SORCS3: variants seen among roughly 807,000 people sequenced by gnomAD.
SORCS3 encodes sortilin related VPS10 domain containing receptor 3.
A neutral mutation model predicts 146.3 loss-of-function variants in SORCS3; 57 were observed. The observed-to-expected ratio is 0.39, with a 90% CI of 0.31 to 0.49. The LOEUF (loss-of-function observed/expected upper bound fraction) is 0.49. SORCS3 is among the 20% of genes least tolerant of loss of function. The probability of loss-of-function intolerance (pLI) is 0.92; values close to 1 mark genes in which losing one functional copy is unlikely to be tolerated. For synonymous variants in SORCS3, 653 were observed against 618.5 expected, an observed-to-expected ratio of 1.06 and a Z score of -0.83; for missense variants, 1,341 against 1,575.5, an observed-to-expected ratio of 0.85 and a Z score of 2.52.
Position 104,915,833 on chromosome 10 carries a change from G to T in SORCS3, c.696G>T (p.Arg232Ser), listed in dbSNP as rs1165045538. ...LGSVTESSLW[R>S]STDYGTTYEK... Reference sequence around the variant, plus strand: ...TCTCTGTTTTCTCTTTTACCTGCAGGTCGACAGATTATGGCACCACCTATG... The same window carrying T: ...TCTCTGTTTTCTCTTTTACCTGCAGTTCGACAGATTATGGCACCACCTATG... Residue 232 changes from arginine to serine, a missense_variant and splice_region_variant, in exon 3 of 27, where the codon AGG becomes AGT. By Grantham distance (110) the Arg-to-Ser change is moderately radical (BLOSUM62 -1). Coordinates refer to ENST00000369701, the MANE Select transcript of SORCS3 (RefSeq NM_014978.3). 3 of 1,613,748 alleles carry T rather than the reference G, an allele frequency of 1.9e-6. No homozygotes were observed. Among genetic ancestry groups the T allele is most frequent in the South Asian group, 1.1e-5 (1 of 91,082 alleles).
intron 4 of SORCS3, among the ~76,000 whole-genome samples, chr10:105,006,719 T>G (rs911392006): frequency 5.3e-5 from 8 of 152,210 alleles, no homozygotes; most frequent in African/African-American, 1.9e-4. Flanking sequence ...TCTTGCACTG[T>G]TTGGGATATG....
intron 19 of SORCS3, among the ~76,000 whole-genome samples, chr10:105,218,317 C>T (rs1159527481): frequency 1.3e-5 from 2 of 152,216 alleles, no homozygotes; most frequent in Admixed American, 6.5e-5. Flanking sequence ...TACCTTGCCT[C>T]GTGGGGCTTT....
intron 1 of SORCS3, among the ~76,000 whole-genome samples, chr10:104,732,789 G>A (rs1367076926): frequency 6.6e-6 from 1 of 152,184 alleles, no homozygotes; most frequent in Non-Finnish European, 1.5e-5. Flanking sequence ...ACATCTAGAT[G>A]GCCTATTTAG....
intron 1 of SORCS3, among the ~76,000 whole-genome samples, chr10:104,694,484 C>T (rs1263869658): frequency 6.6e-6 from 1 of 152,040 alleles, no homozygotes; most frequent in African/African-American, 2.4e-5. Flanking sequence ...CAGGACAAGC[C>T]TTCATTCCCC....
intron 7 of SORCS3, among the ~76,000 whole-genome samples, chr10:105,124,986 TGATCAAAG>T (rs1258875806): frequency 1.3e-5 from 2 of 152,222 alleles, no homozygotes; most frequent in Non-Finnish European, 2.9e-5. Context: ...CAGGAAGAAA[TGATCAAAG>T]TGCTCTTAAT....
chr10:105,237,882 T>C (rs1447202489), intron 20 of SORCS3, among the ~76,000 whole-genome samples: 1 of 152,216 alleles, frequency 6.6e-6, no homozygotes, highest in African/African-American at 2.4e-5. Context: ...ATGGCTGTTT[T>C]ATGTGTTTGT....
chr10:105,086,502 G>GT lies in SORCS3; in HGVS notation c.1029-3272dup, dbSNP rs554826980. ...ATTCTTGCTTTCAACCTTGAAAGAT[G>GT]TGTGAGATTTTAACTAGGTGGAAGG... On this transcript the variant is annotated intron_variant, in intron 5 of 26. Coordinates refer to ENST00000369701, the MANE Select transcript of SORCS3 (RefSeq NM_014978.3). 2.6e-3 allele frequency among the ~76,000 whole-genome samples: 393 copies of GT among 152,306 alleles called. 4 individuals are homozygous for GT. Among genetic ancestry groups the GT allele is most frequent in the Non-Finnish European group, 6.2e-4 (42 of 68,022 alleles).
At chr10:105,238,167 T>C (rs2056803836) in intron 20 of SORCS3, among the ~76,000 whole-genome samples, 1 of 152,170 alleles carries the variant, frequency 6.6e-6, no homozygotes, top group Non-Finnish European at 1.5e-5. Context: ...TGCCTACAAA[T>C]CTATCAGTGG....
intron 1 of SORCS3, among the ~76,000 whole-genome samples, chr10:104,770,223 C>T (rs1330597439): frequency 6.6e-6 from 1 of 152,174 alleles, no homozygotes; most frequent in Non-Finnish European, 1.5e-5. Context: ...GCCCTGTCCA[C>T]TGTACCCCTC....
intron 1 of SORCS3, among the ~76,000 whole-genome samples, chr10:104,748,571 T>C (rs1419429991): frequency 1.3e-5 from 2 of 152,168 alleles, no homozygotes; most frequent in South Asian, 2.1e-4. Flanking sequence ...TCTAGACTCC[T>C]GCTGGGTGCA....
chr10:105,125,220 T>G, intron 7 of SORCS3, among the ~76,000 whole-genome samples: 1 of 152,192 alleles, frequency 6.6e-6, no homozygotes, highest in East Asian at 1.9e-4. Context: ...CTAAACCTTC[T>G]TCCCTGGTTT....
intron 16 of SORCS3, among the ~76,000 whole-genome samples, chr10:105,205,269 A>T (rs780647362): frequency 7.2e-5 from 11 of 152,164 alleles, no homozygotes; most frequent in African/African-American, 1.2e-4. Flanking sequence ...CAGAGGGAAG[A>T]TATTTTCTGT....
chr10:104,788,446 T>C (rs1320383150), intron 1 of SORCS3, among the ~76,000 whole-genome samples: 1 of 152,188 alleles, frequency 6.6e-6, no homozygotes, highest in East Asian at 1.9e-4. Context: ...GTATATATAG[T>C]ATGAATCCAC....
intron 4 of SORCS3, among the ~76,000 whole-genome samples, chr10:104,998,440 A>G (rs532175474): frequency 1.2e-4 from 18 of 152,306 alleles, no homozygotes; most frequent in Non-Finnish European, 2.2e-4. Context: ...CCAGCTCTGC[A>G]GAATTCTCCT....
intron 1 of SORCS3, among the ~76,000 whole-genome samples, chr10:104,696,106 C>A (rs1589461222): frequency 2.7e-5 from 2 of 73,906 alleles, no homozygotes; most frequent in African/African-American, 1.1e-4. Flanking sequence ...ATATCATATA[C>A]ACATATTATA....
At chr10:104,793,153 TA>T (rs1365712767) in intron 1 of SORCS3, among the ~76,000 whole-genome samples, 2 of 152,178 alleles carry the variant, frequency 1.3e-5, no homozygotes, top group African/African-American at 4.8e-5. Flanking sequence ...CAGAGGTGAT[TA>T]TTTTTTTTTC....
At chr10:104,951,775 T>C (rs140441246) in intron 3 of SORCS3, among the ~76,000 whole-genome samples, 124 of 152,294 alleles carry the variant, frequency 8.1e-4, no homozygotes, top group African/African-American at 2.4e-3. Flanking sequence ...TGATGTGAAG[T>C]CTTTTATAGA....
At chr10:104,918,289 A>G (rs1484390109) in intron 3 of SORCS3, among the ~76,000 whole-genome samples, 2 of 152,174 alleles carry the variant, frequency 1.3e-5, no homozygotes, top group African/African-American at 4.8e-5. Context: ...CCATGCCAAC[A>G]ACATTTTACA....
chr10:104,875,116 A>G (rs2018557815), intron 2 of SORCS3, among the ~76,000 whole-genome samples: 1 of 152,178 alleles, frequency 6.6e-6, no homozygotes, highest in Admixed American at 6.5e-5. Context: ...AAAAGATTAT[A>G]TACTCTTCAA....
Sources: allele counts gnomAD v4.1 joint callset (sites outside exome capture counted in the v4.1 genomes callset), GRCh38; gene constraint gnomAD v4.1.1; transcripts MANE v1.5; gene names NCBI Gene and HGNC (gene_info 2026-07-23, HGNC 2026-07-21).